PSMA8: variants seen among roughly 807,000 people sequenced by gnomAD.
PSMA8 encodes proteasome 20S subunit alpha 8.
PSMA8 carries 18 observed loss-of-function variants against 32.4 expected under a neutral mutation model. The ratio of observed to expected loss-of-function variants is 0.56; its 90% CI spans 0.38 to 0.82. The LOEUF is 0.82. PSMA8 is among the 40% of genes least tolerant of loss of function. The probability of loss-of-function intolerance (pLI) is 0.00; values close to 1 mark genes in which losing one functional copy is unlikely to be tolerated. For synonymous variants in PSMA8, 104 were observed against 98.1 expected (o/e 1.06, Z -0.36); for missense variants, 298 against 300.7 (o/e 0.99, Z 0.07).
rs190123741 is a variant in PSMA8, at chr18:26,159,292, G to A, written c.477+1048G>A. On this transcript the variant is annotated intron_variant, in intron 4 of 6. Transcript: ENST00000415576. ...CTCATAAGATACTGTTTTGTAAACCGTTAACCAGGCAGTAAAGCAGTGGAT... is the reference window on the plus strand; with the variant it reads ...CTCATAAGATACTGTTTTGTAAACCATTAACCAGGCAGTAAAGCAGTGGAT... Among the ~76,000 whole-genome samples, 372 of 152,204 alleles carry A rather than the reference G, an allele frequency of 2.4e-3. 2 individuals are homozygous for A. The highest frequency in any genetic ancestry group is 8.7e-3 in the African/African-American group (361 of 41,540).
intron 4 of PSMA8, among the ~76,000 whole-genome samples, chr18:26,171,802 A>C (rs919481687): frequency 6.6e-6 from 1 of 152,200 alleles, no homozygotes; most frequent in African/African-American, 2.4e-5. Context: ...CACTACTTAC[A>C]TACTAATAAA....
At position 26,170,718 on chromosome 18, in the gene PSMA8, T is replaced by C. The variant is rs1374166858; in HGVS notation, c.478-8112T>C. ...GAACAACTTAAACTAGAAAACACCT[T>C]CATATTAATCATTCTTCTCATATAC... On this transcript the variant is annotated intron_variant, in intron 4 of 6. Transcript: ENST00000415576. 19 of 1,486,396 alleles carry C rather than the reference T, an allele frequency of 1.3e-5. 1 individual carries two copies. Among genetic ancestry groups the C allele is most frequent in the Non-Finnish European group, 1.7e-5 (19 of 1,109,568 alleles). 92.1% of individuals were successfully genotyped at this position (1,486,396 alleles called of 1,614,324 possible). A position where few individuals can be genotyped will look rare whatever the true frequency, so the allele number is the denominator to read the frequency against.
At position 26,134,060 on chromosome 18, in the gene PSMA8, C is replaced by T. The variant is rs539566295; in HGVS notation, c.95C>T (p.Ser32Phe). Residue 32 changes from serine (S) to phenylalanine (F), a missense_variant, in exon 1 of 7, where the codon TCC becomes TTC. By Grantham distance (155) the Ser-to-Phe change is radical. Transcript: ENST00000415576. The part of the protein sequence containing the change: ...EYAQEAVKKG[S>F]TAVGIRGTNI... Reference sequence around the variant, plus strand: ...GCCCAGGAAGCGGTGAAGAAAGGATCCACCGCGGTGAGGAAGCAACTATTA... The same window carrying T: ...GCCCAGGAAGCGGTGAAGAAAGGATTCACCGCGGTGAGGAAGCAACTATTA... 3.7e-6 allele frequency: 6 copies of T among 1,611,764 alleles called. No individual in the cohort carries two copies. In the South Asian group the frequency reaches 6.6e-5, roughly 18 times the overall value.
chr18:26,176,566 A>G (rs150767986), intron 4 of PSMA8, among the ~76,000 whole-genome samples: 1 of 152,352 alleles, frequency 6.6e-6, no homozygotes, highest in African/African-American at 2.4e-5. Flanking sequence ...TTGTTATATA[A>G]TGTAATATAA....
chr18:26,139,206 C>G (rs2054935221), intron 1 of PSMA8, among the ~76,000 whole-genome samples: 1 of 152,186 alleles, frequency 6.6e-6, no homozygotes, highest in Non-Finnish European at 1.5e-5. Flanking sequence ...TGCTTGCTTA[C>G]TCTGGTGAAA....
Position 26,171,499 on chromosome 18 carries a change from C to T in PSMA8, c.478-7331C>T, listed in dbSNP as rs146000993. 1.2e-3 allele frequency among the ~76,000 whole-genome samples: 187 copies of T among 152,220 alleles called. 1 individual carries two copies. Among genetic ancestry groups the T allele is most frequent in the African/African-American group, 4.2e-3 (175 of 41,538 alleles). ...CTGTAATCCCAGCACTTTGGGAGGC[C>T]GAAGCGGGTGGATCACTTGAAGTCA... On this transcript the variant is annotated intron_variant, in intron 4 of 6. Coordinates refer to ENST00000415576, the MANE Select transcript of PSMA8 (RefSeq NM_001025096.2).
chr18:26,140,231 A>G, intron 1 of PSMA8: 2 of 675,042 alleles, frequency 3.0e-6, no homozygotes, highest in Middle Eastern at 2.4e-4. Flanking sequence ...CTAGGTCAGC[A>G]GGCAGGCTGG....
chr18:26,134,726 G>C (rs1365783055), intron 1 of PSMA8, among the ~76,000 whole-genome samples: 2 of 152,238 alleles, frequency 1.3e-5, no homozygotes, highest in Non-Finnish European at 2.9e-5. Flanking sequence ...AGGCCCAGGA[G>C]GGCGGATCAC....
rs1476641988 is a variant in PSMA8, at chr18:26,170,739, T to C, written c.478-8091T>C. 13 of 1,522,242 alleles carry C rather than the reference T, an allele frequency of 8.5e-6. 4 individuals carry two copies. The highest frequency in any genetic ancestry group is 3.5e-4 in the Middle Eastern group (2 of 5,732). 94.3% of individuals were successfully genotyped at this position (1,522,242 alleles called of 1,614,324 possible). On this transcript the variant is annotated intron_variant, in intron 4 of 6. Coordinates refer to ENST00000415576, the MANE Select transcript of PSMA8 (RefSeq NM_001025096.2). ...ACCTTCATATTAATCATTCTTCTCA[T>C]ATACTTCAAATTTGTACTTAATGCC...
intron 4 of PSMA8, among the ~76,000 whole-genome samples, chr18:26,159,025 A>G (rs1170049338): frequency 3.9e-5 from 6 of 152,144 alleles, no homozygotes; most frequent in Admixed American, 3.9e-4. Context: ...ACACTGCTAC[A>G]TGCCAGAGAA....
intron 4 of PSMA8, among the ~76,000 whole-genome samples, chr18:26,166,503 AAAGATT>A (rs1158168622): frequency 6.6e-6 from 1 of 152,200 alleles, no homozygotes; most frequent in East Asian, 1.9e-4. Flanking sequence ...ATGAAACCAT[AAAGATT>A]GTTAGTTTTA....
At chr18:26,171,286 T>C in intron 4 of PSMA8, 3 of 1,520,166 alleles carry the variant, frequency 2.0e-6, no homozygotes, top group Non-Finnish European at 2.6e-6. Flanking sequence ...GAACCAACCA[T>C]GACAGCAGCG....
At chr18:26,160,814 T>C (rs2144311757) in intron 4 of PSMA8, among the ~76,000 whole-genome samples, 1 of 152,342 alleles carries the variant, frequency 6.6e-6, no homozygotes, top group Middle Eastern at 3.4e-3. Flanking sequence ...TACCAGCAGT[T>C]TGGTTTTTTG....
intron 6 of PSMA8, among the ~76,000 whole-genome samples, chr18:26,181,915 C>T (rs1048978949): frequency 2.7e-4 from 40 of 147,664 alleles, no homozygotes; most frequent in Non-Finnish European, 4.9e-4. Context: ...CAGAGTGAGA[C>T]GCCATCTGAA....
chr18:26,158,303 C>T, intron 4 of PSMA8, 59 bp downstream of exon 4: 1 of 1,336,994 alleles, frequency 7.5e-7, no homozygotes, highest in Non-Finnish European at 1.0e-6. Flanking sequence ...AATGTAAATG[C>T]TTTATTGCTT....
chr18:26,134,031 A>C lies in PSMA8; in HGVS notation c.66A>C (p.Glu22Asp). 1 of 1,614,086 alleles carries C rather than the reference A, an allele frequency of 6.2e-7. No homozygotes were observed. The highest frequency in any genetic ancestry group is 1.7e-5 in the Admixed American group (1 of 60,020). The change falls in exon 1 of 7, where the codon GAA becomes GAC. Residue 22 changes from glutamate to aspartate, a missense_variant. By Grantham distance (45) the Glu-to-Asp change is conservative. Transcript: ENST00000415576. ...FSPDGHLFQV[E>D]YAQEAVKKGS... Reference sequence around the variant, plus strand: ...CAGACGGACACCTTTTTCAAGTTGAATATGCCCAGGAAGCGGTGAAGAAAG... The same window carrying C: ...CAGACGGACACCTTTTTCAAGTTGACTATGCCCAGGAAGCGGTGAAGAAAG...
At chr18:26,191,328 A>G (rs1169732668) in intron 6 of PSMA8, among the ~76,000 whole-genome samples, 2 of 152,094 alleles carry the variant, frequency 1.3e-5, no homozygotes, top group Non-Finnish European at 1.5e-5. Flanking sequence ...ACTTCACTGA[A>G]GTTAATAATT....
At chr18:26,186,126 G>A (rs1388684343) in intron 6 of PSMA8, among the ~76,000 whole-genome samples, 1 of 150,848 alleles carries the variant, frequency 6.6e-6, no homozygotes, top group Non-Finnish European at 1.5e-5. Flanking sequence ...GAGGGCACCT[G>A]TAGTCCCAGC....
At chr18:26,141,713 C>CTTTTTTTTTTTTTTTTTTTTTTTT (rs1011733993) in intron 1 of PSMA8, among the ~76,000 whole-genome samples, 41 of 109,976 alleles carry the variant, frequency 3.7e-4, no homozygotes, top group Non-Finnish European at 5.0e-4. Context: ...TTTCTTTTTT[C>CTTTTTTTTTTTTTTTTTTTTTTTT]TTTTTTTTTT....
Sources: allele counts gnomAD v4.1 joint callset (sites outside exome capture counted in the v4.1 genomes callset), GRCh38; gene constraint gnomAD v4.1.1; transcripts MANE v1.5; gene names NCBI Gene and HGNC (gene_info 2026-07-23, HGNC 2026-07-21).